NLRP6: variants seen among roughly 807,000 people sequenced by gnomAD.
The protein encoded by NLRP6 is NLR family pyrin domain containing 6, also known as NACHT, LRR and PYD domains-containing protein 6.
NLRP6 carries 55 observed loss-of-function variants against 70.9 expected under a neutral mutation model. That is an observed-to-expected ratio of 0.78 (90% confidence interval 0.62 to 0.97). The LOEUF (loss-of-function observed/expected upper bound fraction) is 0.97, where lower values mean the gene tolerates loss of function less well. Among genes scored for constraint, NLRP6 ranks in the 50% least tolerant of loss-of-function variants. The probability of loss-of-function intolerance (pLI) is 0.00; values close to 1 mark genes in which losing one functional copy is unlikely to be tolerated. For missense variants in NLRP6, 1,241 were observed against 1,238.3 expected, an observed-to-expected ratio of 1.00 and a Z score of -0.03; for synonymous variants, 652 against 581.9, an observed-to-expected ratio of 1.12 and a Z score of -1.73.
rs1048773393 is a variant in NLRP6 at position 284,921 on chromosome 11, G to T, written c.2538-245G>T. Among the ~76,000 whole-genome samples the T allele has an allele frequency of 7.2e-5, 11 of 152,134 alleles. No individual in the cohort carries two copies. In the East Asian group the frequency reaches 1.7e-3, roughly 24 times the overall value. ...GGGCCAGTGGCCCCGATACCCTTTT[G>T]CCACCCCCAAGGTCCGGCCTCTGCC... On this transcript the variant is annotated intron_variant, in intron 7 of 7. Coordinates refer to ENST00000534750, the MANE Select transcript of NLRP6 (RefSeq NM_001276700.2).
chr11:279,153 A>C, intron 1 of NLRP6, 174 bp from the exon 2 acceptor site: 2 of 509,076 alleles, frequency 3.9e-6, no homozygotes, highest in Non-Finnish European at 6.0e-6. Context: ...GGGGGAGGGA[A>C]AAGTCTGGGG....
At chr11:284,676 C>T (rs1363050009) in intron 7 of NLRP6, 34 bp downstream of exon 7, 11 of 1,570,720 alleles carry the variant, frequency 7.0e-6, no homozygotes, top group Non-Finnish European at 9.5e-6. Flanking sequence ...GCTGGGGACA[C>T]AGCCTGTCAA....
intron 7 of NLRP6, 92 bp downstream of exon 7, chr11:284,734 G>A: frequency 7.8e-7 from 1 of 1,283,528 alleles, no homozygotes. Flanking sequence ...ACCCTGAAGA[G>A]GGGCCCCTCC....
In NLRP6 at chr11:284,227, C is replaced by T; in HGVS notation, c.2199-3C>T. On this transcript the variant is annotated splice_region_variant and splice_polypyrimidine_tract_variant and intron_variant, in intron 5 of 7. Coordinates refer to ENST00000534750, the MANE Select transcript of NLRP6 (RefSeq NM_001276700.2). The stretch of plus-strand genomic sequence containing the variant: ...GGTAAATCTCTGTGCTTCTTGACCA[C>T]AGGCTGTCCCACTGCAAACTCCCTG... 6.2e-7 allele frequency: 1 copy of T among 1,613,134 alleles called. No homozygotes were observed. Among genetic ancestry groups the T allele is most frequent in the Non-Finnish European group, 8.5e-7 (1 of 1,179,900 alleles).
chr11:282,667 G>T, intron 4 of NLRP6, 38 bp from the exon 5 acceptor site: 1 of 1,509,084 alleles, frequency 6.6e-7, no homozygotes, highest in South Asian at 1.1e-5. Flanking sequence ...GCACTGTGAG[G>T]AGCAGGGTGG....
intron 5 of NLRP6, among the ~76,000 whole-genome samples, chr11:283,850 A>T (rs561473272): frequency 1.3e-5 from 2 of 151,940 alleles, no homozygotes; most frequent in East Asian, 3.9e-4. Flanking sequence ...GTAAAGTAAG[A>T]TGTTCAGCAC....
At chr11:282,912 G>A (rs1845499299) in intron 5 of NLRP6, 115 bp downstream of exon 5, 7 of 775,586 alleles carry the variant, frequency 9.0e-6, no homozygotes, top group Non-Finnish European at 1.1e-5. Flanking sequence ...CAGAGCCTGA[G>A]GCCTGTGGGT....
At chr11:280,058 C>A (rs1845444710) in intron 3 of NLRP6, 26 bp from the exon 4 acceptor site, 1 of 1,459,134 alleles carries the variant, frequency 6.9e-7, no homozygotes, top group Non-Finnish European at 9.0e-7. Context: ...GACCCTTGTC[C>A]CCGCGCTGTC....
At position 278,475 on chromosome 11, in the gene NLRP6, C is replaced by T. The variant is rs185970188; in HGVS notation, c.-95C>T. 2 of 1,103,664 alleles carry T rather than the reference C, an allele frequency of 1.8e-6. No individual in the cohort carries two copies. Among genetic ancestry groups the T allele is most frequent in the African/African-American group, 1.6e-5 (1 of 61,336 alleles). 68.4% of individuals were successfully genotyped at this position (1,103,664 alleles called of 1,614,324 possible). On this transcript the variant is annotated 5_prime_UTR_variant, in exon 1 of 8. Coordinates refer to ENST00000534750, the MANE Select transcript of NLRP6 (RefSeq NM_001276700.2). The surrounding 1 kb of genome is among the most constrained non-coding windows in gnomAD (Gnocchi z 4.7). ...CGGGGAATGGACCGGGCTGGACAACCTCTAAGACTTGGCTCCAGCTCAGCC... is the reference window on the plus strand; with the variant it reads ...CGGGGAATGGACCGGGCTGGACAACTTCTAAGACTTGGCTCCAGCTCAGCC...
intron 3 of NLRP6, 57 bp from the exon 4 acceptor site, chr11:280,027 G>A (rs1173815676): frequency 9.1e-6 from 13 of 1,432,982 alleles, no homozygotes; most frequent in Non-Finnish European, 1.2e-5. Flanking sequence ...GCTCCCGGAG[G>A]GCGCAGCCTG....
Position 279,336 on chromosome 11 carries a change from G to A in NLRP6, c.39G>A (p.Pro13=). ...QPEAPCSSTG[P]RLAVARELLL... is the part of the protein sequence containing the mutation. Reference sequence around the variant, plus strand: ...GCCCGCCCGCCTCCAGCACGGGGCCGCGCCTCGCGGTGGCCCGCGAGCTGC... The same window carrying A: ...GCCCGCCCGCCTCCAGCACGGGGCCACGCCTCGCGGTGGCCCGCGAGCTGC... The change falls in exon 2 of 8, where the codon CCG becomes CCA. Residue 13 remains proline (P), a synonymous_variant. Transcript: ENST00000534750. 1.6e-6 allele frequency: 2 copies of A among 1,285,086 alleles called. No individual in the cohort carries two copies. The highest frequency in any genetic ancestry group is 2.0e-6 in the Non-Finnish European group (2 of 1,015,640). The allele number at this position is 1,285,086 out of a possible 1,614,324, so 79.6% of individuals were successfully genotyped here. A position where few individuals can be genotyped will look rare whatever the true frequency, so the allele number is the denominator to read the frequency against.
chr11:282,778 T>A lies in NLRP6; in HGVS notation c.2179T>A (p.Cys727Ser), dbSNP rs1365805068. The A allele has an allele frequency of 8.7e-6, 14 of 1,613,798 alleles. No homozygotes were observed. Among genetic ancestry groups the A allele is most frequent in the Non-Finnish European group, 1.2e-5 (14 of 1,179,682 alleles). The change falls in exon 5 of 8, where the codon TGC (cysteine) becomes AGC (serine). Residue 727 changes from cysteine to serine, a missense_variant. Cys to Ser is a moderately radical substitution (Grantham distance 112). Transcript: ENST00000534750. ...PLFQAMTDPLCHLSSLTLSHC... is the reference protein window; with the variant it reads ...PLFQAMTDPLSHLSSLTLSHC... ...CTTTCAGGCAATGACTGACCCACTG[T>A]GCCATCTGAGCAGCCTCACGTGAGT... is the stretch of plus-strand genomic sequence containing the variant.
At position 280,996 on chromosome 11, in the gene NLRP6, T is replaced by A; in HGVS notation, c.1262T>A (p.Leu421His). The A allele has an allele frequency of 6.2e-7, 1 of 1,613,130 alleles. No homozygotes were observed. The highest frequency in any genetic ancestry group is 8.5e-7 in the Non-Finnish European group (1 of 1,179,974). ...AAGACCACCACGTCAGTGTACCTGC[T>A]TTTCATCACCAGCGTTCTGAGCTCG... The part of the protein sequence containing the change: ...TSKTTTSVYL[L>H]FITSVLSSAP... Residue 421 changes from leucine (L) to histidine (H), a missense_variant, in exon 4 of 8, where the codon CTT becomes CAT. Coordinates refer to ENST00000534750, the MANE Select transcript of NLRP6 (RefSeq NM_001276700.2).
rs1845483527 is a variant in NLRP6, at chr11:281,779, C to T, written c.2045C>T (p.Ala682Val). The change falls in exon 4 of 8, where the codon GCG becomes GTG. Residue 682 changes from alanine (A) to valine (V), a missense_variant. Transcript: ENST00000534750. ...CTGATCAGCTGCAGATTGGTTGCTG[C>T]GCAGGAGAAGAAGAAGAAGAGCCTG... ...LRLISCRLVAAQEKKKKSLGK... is the reference protein window; with the variant it reads ...LRLISCRLVAVQEKKKKSLGK... The T allele has an allele frequency of 1.2e-6, 2 of 1,606,186 alleles. No homozygotes were observed. The highest frequency in any genetic ancestry group is 1.7e-6 in the Non-Finnish European group (2 of 1,178,382).
chr11:281,010 G>T lies in NLRP6; in HGVS notation c.1276G>T (p.Val426Phe), dbSNP rs1157057695. 3.7e-6 allele frequency: 6 copies of T among 1,613,060 alleles called. No homozygotes were observed. The highest frequency in any genetic ancestry group is 8.5e-7 in the Non-Finnish European group (1 of 1,179,972). ...TSVYLLFITS[V>F]LSSAPVADGP... ...AGTGTACCTGCTTTTCATCACCAGC[G>T]TTCTGAGCTCGGCTCCGGTAGCCGA... The change falls in exon 4 of 8, where the codon GTT becomes TTT. Residue 426 changes from valine (V) to phenylalanine (F), a missense_variant. Transcript: ENST00000534750.
At position 285,130 on chromosome 11, in the gene NLRP6, C is replaced by A. The variant is rs199475817; in HGVS notation, c.2538-36C>A. On this transcript the variant is annotated intron_variant, in intron 7 of 7. Transcript: ENST00000534750. ...CCCAAGCCCTGGCTGCTTTCCCCCACCGCTGACCCCGCTTCTGCTCTGCGT... is the reference window on the plus strand; with the variant it reads ...CCCAAGCCCTGGCTGCTTTCCCCCAACGCTGACCCCGCTTCTGCTCTGCGT... The A allele has an allele frequency of 3.6e-3, 5,638 of 1,557,558 alleles. 19 individuals carry two copies. The highest frequency in any genetic ancestry group is 7.7e-3 in the Middle Eastern group (45 of 5,812).
At position 281,285 on chromosome 11, in the gene NLRP6, G is replaced by A; in HGVS notation, c.1551G>A (p.Gly517=). ...AALSYLLEDG[G]VPRTAAGGVG... ...TGTCCTACCTGCTGGAGGACGGCGG[G>A]GTGCCCAGGACCGCGGCTGGCGGCG... The change falls in exon 4 of 8, where the codon GGG becomes GGA. Residue 517 remains glycine, a synonymous_variant. Coordinates refer to ENST00000534750, the MANE Select transcript of NLRP6 (RefSeq NM_001276700.2). The A allele has an allele frequency of 1.2e-6, 2 of 1,609,748 alleles. No individual in the cohort carries two copies. The highest frequency in any genetic ancestry group is 2.2e-5 in the East Asian group (1 of 44,794).
chr11:284,966 A>G (rs1156545888), intron 7 of NLRP6, among the ~76,000 whole-genome samples, 200 bp from the exon 8 acceptor site: 2 of 151,234 alleles, frequency 1.3e-5, no homozygotes, highest in African/African-American at 4.9e-5. Context: ...AGCCTCTGAC[A>G]AACCTCTCAA....
chr11:284,694 A>AG, intron 7 of NLRP6, 52 bp downstream of exon 7: 8 of 1,523,016 alleles, frequency 5.3e-6, no homozygotes, highest in Non-Finnish European at 7.1e-6. Flanking sequence ...CAACCCGGGG[A>AG]GGGGGAGGGT....
Sources: gnomAD v4.1 joint callset for allele counts (sites outside exome capture counted in the v4.1 genomes callset) on GRCh38, gnomAD v4.1.1 for gene constraint, Gnocchi (gnomAD v3.1) non-coding constraint, MANE v1.5 for transcripts, NCBI Gene and HGNC (gene_info 2026-07-23, HGNC 2026-07-21) for gene names.